IQSEC1: variants seen among roughly 807,000 people sequenced by gnomAD.
The protein encoded by IQSEC1 is IQ motif and SEC7 domain-containing protein 1.
A neutral mutation model predicts 91.0 loss-of-function variants in IQSEC1; 31 were observed. That is an observed-to-expected ratio of 0.34 (90% confidence interval 0.26 to 0.46). The LOEUF is 0.46. Ranked by LOEUF, IQSEC1 falls within the 20% of genes least tolerant of loss-of-function variation. IQSEC1 has a pLI of 1.00. For missense variants in IQSEC1, 1,388 were observed against 1,575.6 expected, an observed-to-expected ratio of 0.88 and a Z score of 2.02; for synonymous variants, 699 against 662.6, an observed-to-expected ratio of 1.05 and a Z score of -0.84.
chr3:12,978,899 G>T (rs1001490709), intron 1 of IQSEC1, among the ~76,000 whole-genome samples: 3 of 152,160 alleles, frequency 2.0e-5, no homozygotes, highest in African/African-American at 7.2e-5. Context: ...AATTCACCGG[G>T]TGGCCCAGCA....
chr3:13,275,779 C>T (rs1695667263), intron 1 of IQSEC1, among the ~76,000 whole-genome samples: 1 of 152,160 alleles, frequency 6.6e-6, no homozygotes, highest in Non-Finnish European at 1.5e-5. Flanking sequence ...AGTGGGGGAG[C>T]GGCCCTAACC....
intron 1 of IQSEC1, among the ~76,000 whole-genome samples, chr3:13,196,201 A>G (rs977719853): frequency 1.3e-5 from 2 of 152,144 alleles, no homozygotes; most frequent in African/African-American, 4.8e-5. Context: ...GTGCCAGCCC[A>G]TAGTCTCAGC....
At chr3:12,964,594 A>G (rs1359832792) in intron 1 of IQSEC1, among the ~76,000 whole-genome samples, 1 of 152,060 alleles carries the variant, frequency 6.6e-6, no homozygotes, top group African/African-American at 2.4e-5. Context: ...TTCTCAGAGC[A>G]CTCCATGAAG....
In IQSEC1 at chr3:12,967,917, G is replaced by A. The variant is rs1700706011; in HGVS notation, c.24-26052C>T. ...CGGGGGGTCAGGGGCGGGGCGTCAG[G>A]GGCGGGGCTACGCGCAGGGGCGGGG... On this transcript the variant is annotated intron_variant, in intron 1 of 13. Coordinates refer to ENST00000613206, the MANE Select transcript of IQSEC1 (RefSeq NM_001134382.3). This position sits in a 1 kb window ranked among gnomAD's most constrained non-coding sequence, Gnocchi z 5.9. 1.4e-5 allele frequency among the ~76,000 whole-genome samples: 2 copies of A among 146,084 alleles called. No homozygotes were observed. The highest frequency in any genetic ancestry group is 4.2e-4 in the South Asian group (2 of 4,766).
intron 2 of IQSEC1, among the ~76,000 whole-genome samples, chr3:13,109,169 A>G (rs1372639881): frequency 2.6e-5 from 4 of 152,188 alleles, no homozygotes; most frequent in Non-Finnish European, 4.4e-5. Flanking sequence ...GGCATGCGCA[A>G]TGCTGCATGG....
chr3:13,194,109 G>A (rs970522787), intron 1 of IQSEC1, among the ~76,000 whole-genome samples: 1 of 152,042 alleles, frequency 6.6e-6, no homozygotes, highest in Non-Finnish European at 1.5e-5. Context: ...ATTGGATTAG[G>A]GCCACCACCA....
At chr3:13,055,067 C>A (rs1415879834) in intron 1 of IQSEC1, among the ~76,000 whole-genome samples, 1 of 152,246 alleles carries the variant, frequency 6.6e-6, no homozygotes. Context: ...GCCTTCCTGT[C>A]CTGGCTCTGG....
intron 1 of IQSEC1, among the ~76,000 whole-genome samples, chr3:13,181,862 T>C (rs547909529): frequency 1.3e-5 from 2 of 152,394 alleles, no homozygotes; most frequent in Non-Finnish European, 2.9e-5. Context: ...TTTAAACATA[T>C]TTTATTTAAC....
intron 2 of IQSEC1, among the ~76,000 whole-genome samples, chr3:13,128,275 T>C (rs1706550872): frequency 6.6e-6 from 1 of 152,238 alleles, no homozygotes; most frequent in South Asian, 2.1e-4. Context: ...CTGTCATCTT[T>C]AATATACTAA....
chr3:13,178,990 G>A (rs1010391842), intron 1 of IQSEC1, among the ~76,000 whole-genome samples: 3 of 152,210 alleles, frequency 2.0e-5, no homozygotes, highest in Non-Finnish European at 2.9e-5. Context: ...ACAGTGAGAT[G>A]CAGGACCCCT....
At chr3:12,919,999 T>C (rs1399758399) in intron 6 of IQSEC1, among the ~76,000 whole-genome samples, 2 of 152,250 alleles carry the variant, frequency 1.3e-5, no homozygotes, top group African/African-American at 4.8e-5. Context: ...CACTGCTTTC[T>C]TTTCTTGCAA....
chr3:13,040,987 AAG>A (rs760838629), intron 1 of IQSEC1, among the ~76,000 whole-genome samples: 23 of 151,856 alleles, frequency 1.5e-4, no homozygotes, highest in South Asian at 1.5e-3. Flanking sequence ...GTAGACATTC[AAG>A]AGAGATTGCA....
At chr3:13,089,271 A>G (rs1191586849) in intron 2 of IQSEC1, among the ~76,000 whole-genome samples, 1 of 152,270 alleles carries the variant, frequency 6.6e-6, no homozygotes, top group Admixed American at 6.5e-5. Context: ...ACTATGAAAC[A>G]TTATTTAGCC....
intron 2 of IQSEC1, among the ~76,000 whole-genome samples, chr3:13,161,237 T>G (rs924846178): frequency 2.0e-5 from 3 of 150,894 alleles, no homozygotes; most frequent in African/African-American, 7.3e-5. Flanking sequence ...CTGGTAGGGG[T>G]GTGGCGTCCA....
At position 12,908,146 on chromosome 3, in the gene IQSEC1, C is replaced by T. The variant is rs987903232; in HGVS notation, c.2755+203G>A. The stretch of plus-strand genomic sequence containing the variant: ...TCGTGTGCAATGCCTTTCTTTTTGA[C>T]GTTTGGGTCCTGTTTCCCTGTGTCT... On this transcript the variant is annotated intron_variant, in intron 12 of 13. Coordinates refer to ENST00000613206, the MANE Select transcript of IQSEC1 (RefSeq NM_001134382.3). This position sits in a 1 kb window ranked among gnomAD's most constrained non-coding sequence, Gnocchi z 4.9. Among the ~76,000 whole-genome samples the T allele has an allele frequency of 2.0e-4, 31 of 152,230 alleles. No homozygotes were observed. Among genetic ancestry groups the T allele is most frequent in the African/African-American group, 3.6e-4 (15 of 41,458 alleles).
chr3:12,915,076 A>G, intron 8 of IQSEC1, 28 bp downstream of exon 8: 2 of 1,593,668 alleles, frequency 1.3e-6, no homozygotes, highest in Non-Finnish European at 1.7e-6. Flanking sequence ...CGGGCTACCC[A>G]CAAAGGTAAA....
rs540110313 is a variant in IQSEC1 at position 13,072,163 on chromosome 3, A to G, written c.23+829T>C. ...CTCCTAAGGTCTGAGGTCACTGCAC[A>G]GCCCCAAATGAGTGGGTCCTGGGCA... is the stretch of plus-strand genomic sequence containing the variant. On this transcript the variant is annotated intron_variant, in intron 1 of 13. Transcript: ENST00000613206. 2.1e-3 allele frequency among the ~76,000 whole-genome samples: 318 copies of G among 152,366 alleles called. 1 individual carries two copies. The highest frequency in any genetic ancestry group is 7.5e-3 in the African/African-American group (310 of 41,582).
chr3:13,227,890 C>T (rs886853080), intron 1 of IQSEC1, among the ~76,000 whole-genome samples: 6 of 152,150 alleles, frequency 3.9e-5, no homozygotes, highest in East Asian at 3.9e-4. Context: ...ACACGGATGC[C>T]GAGGCCTGAG....
intron 1 of IQSEC1, among the ~76,000 whole-genome samples, chr3:12,978,802 G>A (rs1701317388): frequency 6.6e-6 from 1 of 152,204 alleles, no homozygotes; most frequent in African/African-American, 2.4e-5. Context: ...AGACAGGCAG[G>A]AATGATTGCT....
Sources: allele counts gnomAD v4.1 joint callset (sites outside exome capture counted in the v4.1 genomes callset), GRCh38; gene constraint gnomAD v4.1.1; non-coding constraint Gnocchi (gnomAD v3.1); transcripts MANE v1.5; gene names NCBI Gene and HGNC (gene_info 2026-07-23, HGNC 2026-07-21).